The following SCHIP1 variants were observed in gnomAD, a reference collection of about 807,000 sequenced individuals.
SCHIP1 encodes the protein schwannomin interacting protein 1.
A neutral mutation model predicts 29.7 loss-of-function variants in SCHIP1; 8 were observed. That is an observed-to-expected ratio of 0.27 (90% CI 0.16 to 0.49). SCHIP1 has a LOEUF of 0.49. Ranked by LOEUF, SCHIP1 falls within the 20% of genes least tolerant of loss-of-function variation. The pLI, the probability that SCHIP1 is intolerant of heterozygous loss-of-function variation, is 0.99. For synonymous variants in SCHIP1, 76 were observed against 94.9 expected, an observed-to-expected ratio of 0.80 and a Z score of 1.16; for missense variants, 193 against 294.6, an observed-to-expected ratio of 0.66 and a Z score of 2.52.
the SCHIP1 span, among the ~76,000 whole-genome samples, chr3:159,340,674 C>T: frequency 6.6e-6 from 1 of 152,020 alleles, no homozygotes; most frequent in Non-Finnish European, 1.5e-5. Context: ...TTATTTTCAC[C>T]TCTCTCTTGG....
intron 2 of SCHIP1, among the ~76,000 whole-genome samples, chr3:159,873,806 G>C (rs1045425050): frequency 6.6e-6 from 1 of 152,118 alleles, no homozygotes; most frequent in South Asian, 2.1e-4. Context: ...TGAGAAAAAT[G>C]AATTATCTAT....
the SCHIP1 span, among the ~76,000 whole-genome samples, chr3:159,417,308 G>A: frequency 1.3e-5 from 2 of 152,116 alleles, no homozygotes; most frequent in Non-Finnish European, 2.9e-5. Context: ...AGAAATTTGG[G>A]GTTCCAAATC....
At chr3:159,280,063 T>C in the SCHIP1 span, among the ~76,000 whole-genome samples, 3 of 152,324 alleles carry the variant, frequency 2.0e-5, no homozygotes, top group South Asian at 6.2e-4. Context: ...GGTAGAGTCC[T>C]GGTGCTTACT....
the SCHIP1 span, among the ~76,000 whole-genome samples, chr3:159,483,175 A>C: frequency 1.8e-4 from 27 of 152,242 alleles, no homozygotes; most frequent in East Asian, 2.7e-3. Context: ...TTTAGGAATC[A>C]CTTTTATGGG....
At chr3:159,661,862 G>A in the SCHIP1 span, among the ~76,000 whole-genome samples, 2 of 152,192 alleles carry the variant, frequency 1.3e-5, no homozygotes, top group South Asian at 4.1e-4. Context: ...TCTAGACATT[G>A]TTGGATACAG....
chr3:159,845,611 A>T (rs1248830312), intron 1 of SCHIP1: 1 of 151,978 alleles, frequency 6.6e-6, no homozygotes, highest in Non-Finnish European at 1.5e-5. Context: ...CAAACTTCTG[A>T]CCTTAGGTGA....
chr3:159,280,112 G>A, the SCHIP1 span, among the ~76,000 whole-genome samples: 9 of 151,916 alleles, frequency 5.9e-5, no homozygotes, highest in African/African-American at 2.2e-4. Context: ...TTATGAGAGG[G>A]TCTCAGATAA....
chr3:159,815,414 A>G, the SCHIP1 span, among the ~76,000 whole-genome samples: 2 of 151,946 alleles, frequency 1.3e-5, no homozygotes, highest in Admixed American at 1.3e-4. Context: ...CAAGGCATAC[A>G]CTCTCCCTTG....
chr3:159,700,709 C>T, the SCHIP1 span, among the ~76,000 whole-genome samples: 4 of 151,320 alleles, frequency 2.6e-5, no homozygotes, highest in East Asian at 1.9e-4. Flanking sequence ...GCTACTCAGG[C>T]GGCTAATACA....
intron 1 of SCHIP1, among the ~76,000 whole-genome samples, chr3:159,843,435 A>T (rs1242018720): frequency 1.3e-5 from 2 of 152,100 alleles, no homozygotes; most frequent in East Asian, 3.9e-4. Context: ...CAGGGATTTT[A>T]TCTTTGTTCT....
At chr3:159,692,669 T>C in the SCHIP1 span, among the ~76,000 whole-genome samples, 1 of 152,292 alleles carries the variant, frequency 6.6e-6, no homozygotes, top group East Asian at 1.9e-4. Context: ...TGGAAAACCC[T>C]CTTTTAAAAC....
At chr3:159,564,182 A>G in the SCHIP1 span, among the ~76,000 whole-genome samples, 5 of 152,124 alleles carry the variant, frequency 3.3e-5, no homozygotes, top group African/African-American at 9.7e-5. Context: ...ATACTTGCCT[A>G]TGTGTTACAT....
chr3:159,545,148 G>A, the SCHIP1 span, among the ~76,000 whole-genome samples: 2 of 152,164 alleles, frequency 1.3e-5, no homozygotes, highest in Non-Finnish European at 2.9e-5. Flanking sequence ...CCAAACATGT[G>A]TAGATCTGTT....
the SCHIP1 span, among the ~76,000 whole-genome samples, chr3:159,430,329 G>A: frequency 1.3e-5 from 2 of 152,146 alleles, no homozygotes; most frequent in African/African-American, 4.8e-5. Context: ...TTATATTTAT[G>A]ATGCACAAAA....
At chr3:159,616,737 A>T in the SCHIP1 span, among the ~76,000 whole-genome samples, 1 of 152,126 alleles carries the variant, frequency 6.6e-6, no homozygotes, top group Non-Finnish European at 1.5e-5. Context: ...TTTCTCATGC[A>T]TGGAACATGT....
chr3:159,599,044 G>C, the SCHIP1 span, among the ~76,000 whole-genome samples: 1 of 151,714 alleles, frequency 6.6e-6, no homozygotes, highest in African/African-American at 2.4e-5. Flanking sequence ...ATTTGCTTTT[G>C]GTTTCTATTT....
At chr3:159,576,372 C>T in the SCHIP1 span, among the ~76,000 whole-genome samples, 1 of 152,170 alleles carries the variant, frequency 6.6e-6, no homozygotes, top group Non-Finnish European at 1.5e-5. Flanking sequence ...TGCTATCAAT[C>T]TAATTGTTAT....
chr3:159,587,973 G>C, the SCHIP1 span, among the ~76,000 whole-genome samples: 1 of 151,992 alleles, frequency 6.6e-6, no homozygotes, highest in Non-Finnish European at 1.5e-5. Flanking sequence ...TAATCCTTTG[G>C]GTATATACCC....
At chr3:159,399,778 G>A in the SCHIP1 span, among the ~76,000 whole-genome samples, 1 of 152,128 alleles carries the variant, frequency 6.6e-6, no homozygotes, top group Non-Finnish European at 1.5e-5. Flanking sequence ...CTGGGCTCAA[G>A]CAATCTTATT....
Sources: gnomAD v4.1 joint callset for allele counts (sites outside exome capture counted in the v4.1 genomes callset) on GRCh38, gnomAD v4.1.1 for gene constraint, MANE v1.5 for transcripts, NCBI Gene and HGNC (gene_info 2026-07-23, HGNC 2026-07-21) for gene names.